BEX5: variants seen among roughly 807,000 people sequenced by gnomAD.
BEX5 encodes brain expressed X-linked 5, also known as protein BEX5.
BEX5 carries 2 observed loss-of-function variants against 1.4 expected under a neutral mutation model. That is an observed-to-expected ratio of 1.42 (90% CI 0.58 to 4.47). BEX5 has a LOEUF of 4.47. Ranked by LOEUF, BEX5 falls within the 30% of genes most tolerant of loss-of-function variation. The probability of loss-of-function intolerance (pLI) is 0.06; values close to 1 mark genes in which losing one functional copy is unlikely to be tolerated. For synonymous variants in BEX5, 32 were observed against 30.0 expected, an observed-to-expected ratio of 1.07 and a Z score of -0.21; for missense variants, 97 against 87.3, an observed-to-expected ratio of 1.11 and a Z score of -0.44.
intron 2 of BEX5, 52 bp from the exon 3 acceptor site, chrX:102,154,354 C>T: frequency 2.3e-6 from 2 of 869,287 alleles, no homozygotes; most frequent in Non-Finnish European, 3.1e-6. Flanking sequence ...GGATTCAGAG[C>T]TCTGTTTGGC....
intron 1 of BEX5, 23 bp from the exon 2 acceptor site, chrX:102,154,833 C>T (rs111619192): frequency 9.0e-6 from 1 of 111,587 alleles, no homozygotes; most frequent in Non-Finnish European, 1.9e-5. Context: ...GTGACAATTA[C>T]CAGGACTGAT....
chrX:102,155,678 C>T (rs975544806), intron 1 of BEX5, 181 bp downstream of exon 1: 2 of 112,113 alleles, frequency 1.8e-5, no homozygotes, highest in African/African-American at 3.2e-5. Flanking sequence ...GCCCGATGGC[C>T]GGCCTCCTAG....
At chrX:102,154,397 C>A (rs1369286867) in intron 2 of BEX5, 95 bp from the exon 3 acceptor site, 6 of 583,821 alleles carry the variant, frequency 1.0e-5, no homozygotes, top group African/African-American at 9.5e-5. Context: ...CTTTATGAAC[C>A]CTGTAGGGGG....
rs1556369501 is a variant in BEX5 at position 102,153,865 on chromosome X, T to C, written c.*65A>G. 6 of 991,921 alleles carry C rather than the reference T, an allele frequency of 6.0e-6. No homozygotes were observed. The highest frequency in any genetic ancestry group is 1.4e-6 in the Non-Finnish European group (1 of 728,661). The allele number at this position is 991,921 out of a possible 1,213,427, so 81.7% of individuals were successfully genotyped here. A position where few individuals can be genotyped will look rare whatever the true frequency, so the allele number is the denominator to read the frequency against. On this transcript the variant is annotated 3_prime_UTR_variant, in exon 3 of 3. Transcript: ENST00000333643. Reference sequence around the variant, plus strand: ...CAGAAGAATGCCAAAAGGTTCACATTAAAGGTACACCAGGAAAAATGCGAA... The same window carrying C: ...CAGAAGAATGCCAAAAGGTTCACATCAAAGGTACACCAGGAAAAATGCGAA...
chrX:102,153,987 A>C lies in BEX5; in HGVS notation c.279T>G (p.Ile93Met). The change falls in exon 3 of 3, where the codon ATT (isoleucine) becomes ATG (methionine). Residue 93 changes from isoleucine to methionine, a missense_variant. Transcript: ENST00000333643. ...RELQLRYSLR[I>M]LIGDPPHHDH... ...CATGGTGAGGAGGGTCCCCTATAAGAATGCGCAGACTGTACCTCAACTGAA... is the reference window on the plus strand; with the variant it reads ...CATGGTGAGGAGGGTCCCCTATAAGCATGCGCAGACTGTACCTCAACTGAA... The C allele has an allele frequency of 8.3e-7, 1 of 1,210,453 alleles. No homozygotes were observed. The highest frequency in any genetic ancestry group is 1.8e-5 in the South Asian group (1 of 56,843).
At position 102,154,157 on chromosome X, in the gene BEX5, C is replaced by T. The variant is rs1280250635; in HGVS notation, c.109G>A (p.Gly37Arg). ...EYQEPGGNVK[G>R]VWAPPAPGFG... The stretch of plus-strand genomic sequence containing the variant: ...CCCGGGGCAGGTGGAGCCCAAACCC[C>T]TTTAACATTTCCTCCAGGCTCCTGG... The change falls in exon 3 of 3, where the codon GGG (glycine) becomes AGG (arginine). Residue 37 changes from glycine to arginine, a missense_variant. Gly to Arg is a moderately radical substitution (Grantham distance 125, BLOSUM62 -2). Transcript: ENST00000333643. 1 of 1,208,490 alleles carries T rather than the reference C, an allele frequency of 8.3e-7. No individual in the cohort carries two copies. Among genetic ancestry groups the T allele is most frequent in the Non-Finnish European group, 1.1e-6 (1 of 894,906 alleles).
chrX:102,154,078 C>A lies in BEX5; in HGVS notation c.188G>T (p.Gly63Val), dbSNP rs868996085. ...RLVDNIDMIDGDGDDMERFME... is the reference protein window; with the variant it reads ...RLVDNIDMIDVDGDDMERFME... The stretch of plus-strand genomic sequence containing the variant: ...GAACCGTTCCATATCATCTCCATCT[C>A]CATCTATCATATCAATGTTATCGAC... Residue 63 changes from glycine to valine, a missense_variant, in exon 3 of 3, where the codon GGA (glycine) becomes GTA (valine). Physicochemically the swap from Gly to Val is moderately radical, Grantham distance 109. Coordinates refer to ENST00000333643, the MANE Select transcript of BEX5 (RefSeq NM_001012978.3). 4 of 1,210,606 alleles carry A rather than the reference C, an allele frequency of 3.3e-6. No individual in the cohort carries two copies. In the African/African-American group the frequency reaches 5.2e-5, roughly 16 times the overall value.
intron 2 of BEX5, 130 bp from the exon 3 acceptor site, chrX:102,154,432 A>G (rs1217314982): frequency 1.2e-5 from 5 of 414,902 alleles, no homozygotes; most frequent in Non-Finnish European, 4.0e-6. Context: ...CGCTGCCCCA[A>G]AGCCCATCAT....
rs782738081 is a variant in BEX5 at position 102,154,134 on chromosome X, C to G, written c.132G>C (p.Pro44=). 1 of 1,208,125 alleles carries G rather than the reference C, an allele frequency of 8.3e-7. No individual in the cohort carries two copies. Among genetic ancestry groups the G allele is most frequent in the African/African-American group, 1.8e-5 (1 of 56,515 alleles). The change falls in exon 3 of 3, where the codon CCG becomes CCC. Residue 44 remains proline, a synonymous_variant. Coordinates refer to ENST00000333643, the MANE Select transcript of BEX5 (RefSeq NM_001012978.3). ...NVKGVWAPPA[P]GFGEDVPNRL... is the part of the protein sequence containing the mutation. ...TATTGGGCACATCCTCTCCAAAACC[C>G]GGGGCAGGTGGAGCCCAAACCCCTT... is the stretch of plus-strand genomic sequence containing the variant.
chrX:102,155,155 G>T (rs1361097011), intron 1 of BEX5, among the ~76,000 whole-genome samples: 3 of 111,404 alleles, frequency 2.7e-5, no homozygotes, highest in Admixed American at 9.5e-5. Context: ...TTTCAATCTA[G>T]ATATCCATCA....
At chrX:102,154,347 T>C (rs782535448) in intron 2 of BEX5, 45 bp from the exon 3 acceptor site, 18 of 904,233 alleles carry the variant, frequency 2.0e-5, no homozygotes, top group Admixed American at 1.4e-4. Flanking sequence ...CTTGATAGGA[T>C]TCAGAGCTCT....
Position 102,153,788 on chromosome X carries a change from G to T in BEX5, c.*142C>A. The T allele has an allele frequency of 2.0e-6, 1 of 504,111 alleles. No homozygotes were observed. The highest frequency in any genetic ancestry group is 3.2e-6 in the Non-Finnish European group (1 of 310,327). 41.5% of individuals were successfully genotyped at this position (504,111 alleles called of 1,213,427 possible). A position where few individuals can be genotyped will look rare whatever the true frequency, so the allele number is the denominator to read the frequency against. On this transcript the variant is annotated 3_prime_UTR_variant, in exon 3 of 3. Coordinates refer to ENST00000333643, the MANE Select transcript of BEX5 (RefSeq NM_001012978.3). Reference sequence around the variant, plus strand: ...TGAAAGTTGATGAAAGTCCTCTTCTGACAGAAAAACTTACAGACTAGGTCA... The same window carrying T: ...TGAAAGTTGATGAAAGTCCTCTTCTTACAGAAAAACTTACAGACTAGGTCA...
At position 102,154,016 on chromosome X, in the gene BEX5, C is replaced by T. The variant is rs1556369592; in HGVS notation, c.250G>A (p.Glu84Lys). 8.3e-7 allele frequency: 1 copy of T among 1,210,320 alleles called. No homozygotes were observed. The change falls in exon 3 of 3, where the codon GAA becomes AAA. Residue 84 changes from glutamate (E) to lysine (K), a missense_variant. Physicochemically the swap from Glu to Lys is moderately conservative, Grantham distance 56 (BLOSUM62 1). Coordinates refer to ENST00000333643, the MANE Select transcript of BEX5 (RefSeq NM_001012978.3). The part of the protein sequence containing the change: ...EMRELRRKIR[E>K]LQLRYSLRIL... ...CGCAGACTGTACCTCAACTGAAGTT[C>T]CCTAATTTTCCTCCTTAGCTCTCTC...
chrX:102,154,791 G>T lies in BEX5; in HGVS notation c.-85C>A, dbSNP rs1933232467. 8.9e-6 allele frequency: 1 copy of T among 111,929 alleles called. No individual in the cohort carries two copies. The highest frequency in any genetic ancestry group is 3.3e-5 in the African/African-American group (1 of 30,556). The allele number at this position is 111,929 out of a possible 1,213,427, so 9.2% of individuals were successfully genotyped here. On this transcript the variant is annotated 5_prime_UTR_variant, in exon 2 of 3. Coordinates refer to ENST00000333643, the MANE Select transcript of BEX5 (RefSeq NM_001012978.3). Reference sequence around the variant, plus strand: ...TTCTCTCTTAGCCTTGAAATCGGCTGCACAAACGCACTTAAAGACCTGCAG... The same window carrying T: ...TTCTCTCTTAGCCTTGAAATCGGCTTCACAAACGCACTTAAAGACCTGCAG...
In BEX5 at chrX:102,155,905, G is replaced by C. The variant is rs1216268752; in HGVS notation, c.-151C>G. 4 of 112,513 alleles carry C rather than the reference G, an allele frequency of 3.6e-5. No individual in the cohort carries two copies. The Admixed American group carries it at 3.7e-4, about 11-fold the overall frequency. 9.3% of individuals were successfully genotyped at this position (112,513 alleles called of 1,213,427 possible). ...CTTCTACCACTTTCCACCTTTCCTG[G>C]GCAGCTGGCTCGCCTGCCTTCAGGG... is the stretch of plus-strand genomic sequence containing the variant. On this transcript the variant is annotated 5_prime_UTR_variant, in exon 1 of 3. Coordinates refer to ENST00000333643, the MANE Select transcript of BEX5 (RefSeq NM_001012978.3).
chrX:102,154,058 G>A lies in BEX5; in HGVS notation c.208C>T (p.Arg70Trp). The change falls in exon 3 of 3, where the codon CGG becomes TGG. Residue 70 changes from arginine to tryptophan, a missense_variant. By Grantham distance (101) the Arg-to-Trp change is moderately radical. Coordinates refer to ENST00000333643, the MANE Select transcript of BEX5 (RefSeq NM_001012978.3). ...AGCTCTCTCATCTCCTCCATGAACCGTTCCATATCATCTCCATCTCCATCT... is the reference window on the plus strand; with the variant it reads ...AGCTCTCTCATCTCCTCCATGAACCATTCCATATCATCTCCATCTCCATCT... ...MIDGDGDDME[R>W]FMEEMRELRR... The A allele has an allele frequency of 2.5e-6, 3 of 1,209,998 alleles. No individual in the cohort carries two copies. Among genetic ancestry groups the A allele is most frequent in the South Asian group, 3.5e-5 (2 of 56,871 alleles).
In BEX5 at chrX:102,153,869, G is replaced by T. The variant is rs1287380310; in HGVS notation, c.*61C>A. On this transcript the variant is annotated 3_prime_UTR_variant, in exon 3 of 3. Coordinates refer to ENST00000333643, the MANE Select transcript of BEX5 (RefSeq NM_001012978.3). ...AGAATGCCAAAAGGTTCACATTAAA[G>T]GTACACCAGGAAAAATGCGAATTTA... 4 of 1,002,794 alleles carry T rather than the reference G, an allele frequency of 4.0e-6. No homozygotes were observed. The highest frequency in any genetic ancestry group is 4.1e-6 in the Non-Finnish European group (3 of 736,793). The allele number at this position is 1,002,794 out of a possible 1,213,427, so 82.6% of individuals were successfully genotyped here.
Position 102,153,909 on chromosome X carries a change from T to C in BEX5, c.*21A>G. On this transcript the variant is annotated 3_prime_UTR_variant, in exon 3 of 3. Transcript: ENST00000333643. ...ATGCGAATTTAGAAAGCAGGGATTT[T>C]ATGATTATTAACCTCAAGATTCAAG... 1 of 1,142,463 alleles carries C rather than the reference T, an allele frequency of 8.8e-7. No homozygotes were observed. Among genetic ancestry groups the C allele is most frequent in the Non-Finnish European group, 1.2e-6 (1 of 852,047 alleles). 94.2% of individuals were successfully genotyped at this position (1,142,463 alleles called of 1,213,427 possible).
rs1173805812 is a variant in BEX5 at position 102,154,286 on chromosome X, T to G, written c.-21A>C. The G allele has an allele frequency of 8.3e-6, 9 of 1,089,896 alleles. No homozygotes were observed. The highest frequency in any genetic ancestry group is 3.1e-5 in the Admixed American group (1 of 32,700). 89.8% of individuals were successfully genotyped at this position (1,089,896 alleles called of 1,213,427 possible). On this transcript the variant is annotated 5_prime_UTR_variant, in exon 3 of 3. Coordinates refer to ENST00000333643, the MANE Select transcript of BEX5 (RefSeq NM_001012978.3). The stretch of plus-strand genomic sequence containing the variant: ...TCCATGTTGAGTTTTTTTCCTGTTT[T>G]TTTTTTTTTTTTCTTCCTAGAAGAT...
Sources: allele counts gnomAD v4.1 joint callset (sites outside exome capture counted in the v4.1 genomes callset), GRCh38; gene constraint gnomAD v4.1.1; transcripts MANE v1.5; gene names NCBI Gene and HGNC (gene_info 2026-07-23, HGNC 2026-07-21).